NSMCE2: variants seen among roughly 807,000 people sequenced by gnomAD.
NSMCE2 encodes the protein E3 SUMO-protein ligase NSE2.
In NSMCE2, 24 loss-of-function variants were observed where a neutral mutation model predicts 23.8. The observed-to-expected ratio is 1.01, with a 90% CI of 0.73 to 1.42. The LOEUF is 1.42. NSMCE2 is among the 40% of genes most tolerant of loss of function. The pLI is 0.00. For missense variants in NSMCE2, 284 were observed against 296.5 expected (o/e 0.96, Z 0.31); for synonymous variants, 92 against 94.1 (o/e 0.98, Z 0.13).
intron 4 of NSMCE2, among the ~76,000 whole-genome samples, chr8:125,179,570 C>A (rs1822690411): frequency 1.3e-5 from 2 of 152,198 alleles, no homozygotes; most frequent in African/African-American, 4.8e-5. Flanking sequence ...AGAGTACAGT[C>A]AGTTCTCTTT....
intron 5 of NSMCE2, among the ~76,000 whole-genome samples, chr8:125,269,506 TCTG>T (rs1827087589): frequency 6.6e-6 from 1 of 152,214 alleles, no homozygotes; most frequent in African/African-American, 2.4e-5. Context: ...TCCTCTGTAT[TCTG>T]CTCACTGCTT....
chr8:125,196,203 CTTT>C (rs59684072), intron 5 of NSMCE2, among the ~76,000 whole-genome samples: 1 of 134,002 alleles, frequency 7.5e-6, no homozygotes, highest in Non-Finnish European at 1.6e-5. Flanking sequence ...TTTTTTTTTT[CTTT>C]TTTTTTTTTT....
At chr8:125,264,566 C>T (rs1381279952) in intron 5 of NSMCE2, among the ~76,000 whole-genome samples, 1 of 152,152 alleles carries the variant, frequency 6.6e-6, no homozygotes, top group Non-Finnish European at 1.5e-5. Flanking sequence ...ACCACCACGC[C>T]CTGCTAATTT....
chr8:125,234,345 A>G (rs1825454930), intron 5 of NSMCE2, among the ~76,000 whole-genome samples: 2 of 152,254 alleles, frequency 1.3e-5, no homozygotes. Context: ...TAATCCTTAC[A>G]GTAATCTTGT....
chr8:125,204,283 A>C (rs1373819166), intron 5 of NSMCE2, among the ~76,000 whole-genome samples: 1 of 152,240 alleles, frequency 6.6e-6, no homozygotes, highest in African/African-American at 2.4e-5. Context: ...TTAAGCACAA[A>C]GTGTGGCTGC....
intron 5 of NSMCE2, among the ~76,000 whole-genome samples, chr8:125,229,862 T>C (rs1825249788): frequency 6.6e-6 from 1 of 152,194 alleles, no homozygotes; most frequent in Non-Finnish European, 1.5e-5. Flanking sequence ...ACCTTTATTT[T>C]ATAGAATTTT....
intron 5 of NSMCE2, among the ~76,000 whole-genome samples, chr8:125,333,069 G>T (rs1829935513): frequency 6.6e-6 from 1 of 152,126 alleles, no homozygotes; most frequent in Middle Eastern, 3.2e-3. Context: ...TCCAAAATGG[G>T]GGACCCATAC....
At chr8:125,163,848 T>G (rs1174068507) in intron 4 of NSMCE2, among the ~76,000 whole-genome samples, 1 of 152,182 alleles carries the variant, frequency 6.6e-6, no homozygotes, top group East Asian at 1.9e-4. Flanking sequence ...CAGTCAGTGG[T>G]TGTGTTTCTG....
At position 125,170,415 on chromosome 8, in the gene NSMCE2, T is replaced by TTTA. The variant is rs1199459816; in HGVS notation, c.265-11688_265-11687insTTA. ...TTTTTTTTTTTTTTTTTTTTTTTTTTAAGACAGAGTCTCGCTCTCTTGGCC... is the reference window on the plus strand; with the variant it reads ...TTTTTTTTTTTTTTTTTTTTTTTTTTTTAAAGACAGAGTCTCGCTCTCTTGGCC... On this transcript the variant is annotated intron_variant, in intron 4 of 7. Transcript: ENST00000287437. Among the ~76,000 whole-genome samples the TTTA allele has an allele frequency of 1.1e-4, 10 of 93,198 alleles. 1 individual carries two copies. Among genetic ancestry groups the TTTA allele is most frequent in the African/African-American group, 2.0e-4 (5 of 24,442 alleles). 61.1% of individuals were successfully genotyped at this position (93,198 alleles called of 152,430 possible).
intron 3 of NSMCE2, among the ~76,000 whole-genome samples, chr8:125,137,854 T>G (rs1820151815): frequency 5.3e-5 from 8 of 152,212 alleles, no homozygotes. Context: ...TGATAATGTC[T>G]TCTTCACAGA....
At chr8:125,343,723 C>T (rs576020914) in intron 5 of NSMCE2, among the ~76,000 whole-genome samples, 25 of 152,222 alleles carry the variant, frequency 1.6e-4, no homozygotes, top group African/African-American at 5.1e-4. Flanking sequence ...CTGCCGGGCA[C>T]AGTGGCTTAT....
chr8:125,193,489 T>A (rs1586591626), intron 5 of NSMCE2, among the ~76,000 whole-genome samples: 1 of 152,226 alleles, frequency 6.6e-6, no homozygotes, highest in Non-Finnish European at 1.5e-5. Context: ...GAATAAACAC[T>A]GCTGGTTGTA....
chr8:125,344,271 G>A (rs1830356016), intron 5 of NSMCE2, among the ~76,000 whole-genome samples: 1 of 151,746 alleles, frequency 6.6e-6, no homozygotes, highest in Non-Finnish European at 1.5e-5. Flanking sequence ...ATATTATTTG[G>A]TCTCTTGAAG....
intron 3 of NSMCE2, among the ~76,000 whole-genome samples, chr8:125,114,325 G>C (rs903230344): frequency 6.6e-6 from 1 of 151,976 alleles, no homozygotes; most frequent in Non-Finnish European, 1.5e-5. Flanking sequence ...ACCCTTACCC[G>C]CTGCTATTGC....
chr8:125,198,450 T>C (rs138291649), intron 5 of NSMCE2, among the ~76,000 whole-genome samples: 14,595 of 152,214 alleles, frequency 0.096, 755 homozygotes, highest in African/African-American at 0.11. Context: ...GATAAGCATG[T>C]GGTTTTTGTC....
At chr8:125,234,485 A>C (rs1825462000) in intron 5 of NSMCE2, among the ~76,000 whole-genome samples, 1 of 152,188 alleles carries the variant, frequency 6.6e-6, no homozygotes, top group Non-Finnish European at 1.5e-5. Context: ...TCTGTAATAC[A>C]TTTCATACAA....
At chr8:125,096,634 C>CT (rs34656029) in intron 1 of NSMCE2, among the ~76,000 whole-genome samples, 47,658 of 80,470 alleles carry the variant, frequency 0.59, 16,126 homozygotes, top group East Asian at 0.77. Context: ...GTGTGGAATC[C>CT]TTTTTTTTTT....
At position 125,182,103 on chromosome 8, in the gene NSMCE2, G is replaced by A. The variant is rs1352822099; in HGVS notation, c.265G>A (p.Val89Met). Reference protein sequence around the residue: ...VKAVQSTINHVKEERPEKIPD... With the variant: ...VKAVQSTINHMKEERPEKIPD... Reference sequence around the variant, plus strand: ...CAGGTAATTTTGTTGTCTCCCTTAGGTGAAAGAAGAACGTCCAGAAAAAAT... The same window carrying A: ...CAGGTAATTTTGTTGTCTCCCTTAGATGAAAGAAGAACGTCCAGAAAAAAT... The change falls in exon 5 of 8, where the codon GTG becomes ATG. Residue 89 changes from valine to methionine, a missense_variant and splice_region_variant. Transcript: ENST00000287437. 6.3e-7 allele frequency: 1 copy of A among 1,589,188 alleles called. No individual in the cohort carries two copies. Among genetic ancestry groups the A allele is most frequent in the Non-Finnish European group, 8.5e-7 (1 of 1,171,192 alleles).
chr8:125,258,732 A>G, intron 5 of NSMCE2, among the ~76,000 whole-genome samples: 1 of 152,138 alleles, frequency 6.6e-6, no homozygotes, highest in East Asian at 1.9e-4. Context: ...TAATGGAGAG[A>G]GGTGGGGGGG....
Sources: allele counts gnomAD v4.1 joint callset (sites outside exome capture counted in the v4.1 genomes callset), GRCh38; gene constraint gnomAD v4.1.1; transcripts MANE v1.5; gene names NCBI Gene and HGNC (gene_info 2026-07-23, HGNC 2026-07-21).